TFF1: variants seen among roughly 807,000 people sequenced by gnomAD.
TFF1 encodes the protein trefoil factor 1.
TFF1 carries 8 observed loss-of-function variants against 7.7 expected under a neutral mutation model. That is an observed-to-expected ratio of 1.04 (90% CI 0.61 to 1.87). The LOEUF is 1.87. Ranked by LOEUF, TFF1 falls within the 40% of genes most tolerant of loss-of-function variation. The pLI is 0.00. For missense variants in TFF1, 120 were observed against 113.4 expected (o/e 1.06, Z -0.26); for synonymous variants, 47 against 44.8 (o/e 1.05, Z -0.19).
rs1338313795 is a variant in TFF1, at chr21:42,363,357, C to A, written c.136G>T (p.Val46Phe). The A allele has an allele frequency of 1.2e-6, 2 of 1,614,054 alleles. No individual in the cohort carries two copies. The highest frequency in any genetic ancestry group is 2.7e-5 in the African/African-American group (2 of 74,924). The change falls in exon 2 of 3, where the codon GTC (valine) becomes TTC (phenylalanine). Residue 46 changes from valine to phenylalanine, a missense_variant. Physicochemically the swap from Val to Phe is conservative, Grantham distance 50. Coordinates refer to ENST00000291527, the MANE Select transcript of TFF1 (RefSeq NM_003225.3). ...RERQNCGFPGVTPSQCANKGC... is the reference protein window; with the variant it reads ...RERQNCGFPGFTPSQCANKGC... ...TTATTTGCACACTGGGAGGGCGTGA[C>A]ACCAGGAAAACCACAATTCTGTCTT...
chr21:42,365,426 G>T (rs1489512529), intron 1 of TFF1, among the ~76,000 whole-genome samples: 1 of 152,134 alleles, frequency 6.6e-6, no homozygotes, highest in African/African-American at 2.4e-5. Context: ...TCCCACTGCA[G>T]CCCAATGCTG....
At chr21:42,363,430 CA>C in intron 1 of TFF1, 23 bp from the exon 2 acceptor site, 1 of 1,606,606 alleles carries the variant, frequency 6.2e-7, no homozygotes, top group Non-Finnish European at 8.5e-7. Context: ...AGGTAAGAAG[CA>C]AAGTAAGTTG....
chr21:42,365,864 A>G (rs943818883), intron 1 of TFF1, among the ~76,000 whole-genome samples: 6 of 152,110 alleles, frequency 3.9e-5, no homozygotes, highest in Non-Finnish European at 8.8e-5. Flanking sequence ...CCAGCCACGC[A>G]CTCATGAGAG....
Position 42,363,315 on chromosome 21 carries a change from C to G in TFF1, c.178G>C (p.Asp60His). Reference sequence around the variant, plus strand: ...CACCAGGGGACCCCACGAACGGTGTCGTCGAAACAGCAGCCCTTATTTGCA... The same window carrying G: ...CACCAGGGGACCCCACGAACGGTGTGGTCGAAACAGCAGCCCTTATTTGCA... ...QCANKGCCFD[D>H]TVRGVPWCFY... Residue 60 changes from aspartate (D) to histidine (H), a missense_variant, in exon 2 of 3, where the codon GAC becomes CAC. Coordinates refer to ENST00000291527, the MANE Select transcript of TFF1 (RefSeq NM_003225.3). 1 of 1,614,190 alleles carries G rather than the reference C, an allele frequency of 6.2e-7. No homozygotes were observed. The highest frequency in any genetic ancestry group is 8.5e-7 in the Non-Finnish European group (1 of 1,180,036).
intron 1 of TFF1, among the ~76,000 whole-genome samples, chr21:42,365,757 A>G (rs1391650425): frequency 2.0e-5 from 3 of 152,294 alleles, no homozygotes; most frequent in Non-Finnish European, 4.4e-5. Context: ...GTTGAGATGC[A>G]AACACTTCCC....
At position 42,364,979 on chromosome 21, in the gene TFF1, C is replaced by CG. The variant is rs553337656; in HGVS notation, c.85+1431dup. Among the ~76,000 whole-genome samples the CG allele has an allele frequency of 3.2e-4, 48 of 151,992 alleles. 1 individual carries two copies. The East Asian group carries it at 4.7e-3, about 15-fold the overall frequency. ...GAGGGAGGATCATCATCCTGGGGGT[C>CG]GGGGGGGTTTCCTCCTCAGGGAGGA... On this transcript the variant is annotated intron_variant, in intron 1 of 2. Coordinates refer to ENST00000291527, the MANE Select transcript of TFF1 (RefSeq NM_003225.3).
In TFF1 at chr21:42,362,505, T is replaced by C. The variant is rs763736841; in HGVS notation, c.239-10A>G. On this transcript the variant is annotated splice_polypyrimidine_tract_variant and intron_variant, in intron 2 of 2. Coordinates refer to ENST00000291527, the MANE Select transcript of TFF1 (RefSeq NM_003225.3). ...TAAAATTCACACTCCTCTACAGGGGTGAGGGGGAGGGAGAAAGAGATGCTT... is the reference window on the plus strand; with the variant it reads ...TAAAATTCACACTCCTCTACAGGGGCGAGGGGGAGGGAGAAAGAGATGCTT... 2 of 1,577,702 alleles carry C rather than the reference T, an allele frequency of 1.3e-6. No individual in the cohort carries two copies. The highest frequency in any genetic ancestry group is 1.4e-5 in the African/African-American group (1 of 73,472).
chr21:42,364,360 T>C (rs2052262556), intron 1 of TFF1, among the ~76,000 whole-genome samples: 1 of 152,020 alleles, frequency 6.6e-6, no homozygotes, highest in Non-Finnish European at 1.5e-5. Context: ...TGGAAACCCA[T>C]TGCAGGTAAG....
At chr21:42,363,118 C>T in intron 2 of TFF1, 137 bp downstream of exon 2, 1 of 1,111,784 alleles carries the variant, frequency 9.0e-7, no homozygotes, top group Non-Finnish European at 1.3e-6. Flanking sequence ...ACTCAGGCTA[C>T]CCCATTGCAC....
Position 42,363,409 on chromosome 21 carries a change from T to C in TFF1, c.86-2A>G, listed in dbSNP as rs1439596078. On this transcript the variant is annotated splice_acceptor_variant, in intron 1 of 2. Transcript: ENST00000291527. LOFTEE classifies it high-confidence loss of function. ...CACGGGGGGCCACTGTACACGTCTC[T>C]GAAAGTGCACAGGTAAGAAGCAAAG... 1.2e-6 allele frequency: 2 copies of C among 1,613,480 alleles called. No individual in the cohort carries two copies. Among genetic ancestry groups the C allele is most frequent in the East Asian group, 4.5e-5 (2 of 44,882 alleles).
chr21:42,362,712 G>A (rs1421102177), intron 2 of TFF1, among the ~76,000 whole-genome samples: 4 of 151,918 alleles, frequency 2.6e-5, no homozygotes, highest in Non-Finnish European at 4.4e-5. Context: ...GTTCAAGACC[G>A]GTCTGGCCAA....
chr21:42,363,185 C>T, intron 2 of TFF1, 70 bp downstream of exon 2: 1 of 1,599,538 alleles, frequency 6.3e-7, no homozygotes, highest in Non-Finnish European at 8.6e-7. Context: ...TGATCAGAGC[C>T]TCTGTAGTCT....
Position 42,363,265 on chromosome 21 carries a change from G to T in TFF1, c.228C>A (p.Val76=). Residue 76 remains valine (V), a synonymous_variant, in exon 2 of 3, where the codon GTC becomes GTA. Coordinates refer to ENST00000291527, the MANE Select transcript of TFF1 (RefSeq NM_003225.3). Reference sequence around the variant, plus strand: ...ATAAAAAGGCCATACCTTCTGGAGGGACGTCGATGGTATTAGGATAGAAGC... The same window carrying T: ...ATAAAAAGGCCATACCTTCTGGAGGTACGTCGATGGTATTAGGATAGAAGC... ...PWCFYPNTID[V]PPEEECEF 1 of 1,614,192 alleles carries T rather than the reference G, an allele frequency of 6.2e-7. No individual in the cohort carries two copies. Among genetic ancestry groups the T allele is most frequent in the Non-Finnish European group, 8.5e-7 (1 of 1,180,044 alleles).
intron 1 of TFF1, 31 bp downstream of exon 1, chr21:42,366,380 G>T (rs1448407548): frequency 3.2e-6 from 5 of 1,547,494 alleles, no homozygotes. Flanking sequence ...GCTGGCTGTG[G>T]CCCCACAGAG....
rs961505229 is a variant in TFF1 at position 42,363,392 on chromosome 21, G to A, written c.101C>T (p.Ala34Val). Reference protein sequence around the residue: ...AEAQTETCTVAPRERQNCGFP... With the variant: ...AEAQTETCTVVPRERQNCGFP... ...ACCACAATTCTGTCTTTCACGGGGG[G>A]CCACTGTACACGTCTCTGAAAGTGC... is the stretch of plus-strand genomic sequence containing the variant. The change falls in exon 2 of 3, where the codon GCC becomes GTC. Residue 34 changes from alanine to valine, a missense_variant. Ala to Val is a moderately conservative substitution (Grantham distance 64). Coordinates refer to ENST00000291527, the MANE Select transcript of TFF1 (RefSeq NM_003225.3). The A allele has an allele frequency of 6.2e-6, 10 of 1,613,906 alleles. No homozygotes were observed. The Admixed American group carries it at 8.3e-5, about 13-fold the overall frequency.
chr21:42,362,903 A>G (rs1471537987), intron 2 of TFF1, among the ~76,000 whole-genome samples: 1 of 134,136 alleles, frequency 7.5e-6, no homozygotes, highest in Non-Finnish European at 1.5e-5. Flanking sequence ...TCCATTTCAA[A>G]AAAAAAAAAA....
Position 42,366,464 on chromosome 21 carries a change from G to A in TFF1, c.32C>T (p.Ala11Val), listed in dbSNP as rs751094617. ...GGCCAGCATGGACACCAGGACCAGG[G>A]CGCAGATCACCTTGTTCTCCATGGT... MATMENKVICALVLVSMLALG... is the reference protein window; with the variant it reads MATMENKVICVLVLVSMLALG... Residue 11 changes from alanine (A) to valine (V), a missense_variant, in exon 1 of 3, where the codon GCC becomes GTC. Transcript: ENST00000291527. The A allele has an allele frequency of 6.2e-7, 1 of 1,612,960 alleles. No individual in the cohort carries two copies. Among genetic ancestry groups the A allele is most frequent in the East Asian group, 2.2e-5 (1 of 44,852 alleles).
rs1311911517 is a variant in TFF1 at position 42,366,376 on chromosome 21, T to A, written c.85+35A>T. ...CCTGGCGGAGGCTGCCAGAGCTGGC[T>A]GTGGCCCCACAGAGCAGGAAGAAGC... On this transcript the variant is annotated intron_variant, in intron 1 of 2. Transcript: ENST00000291527. 7 of 1,538,902 alleles carry A rather than the reference T, an allele frequency of 4.5e-6. No homozygotes were observed. The African/African-American group carries it at 6.8e-5, about 15-fold the overall frequency.
chr21:42,362,847 CAAG>C (rs2052248885), intron 2 of TFF1, among the ~76,000 whole-genome samples: 1 of 146,698 alleles, frequency 6.8e-6, no homozygotes, highest in African/African-American at 2.5e-5. Context: ...TGCAGTGAGC[CAAG>C]ATCGCACCAT....
Sources: gnomAD v4.1 joint callset for allele counts (sites outside exome capture counted in the v4.1 genomes callset) on GRCh38, gnomAD v4.1.1 for gene constraint, MANE v1.5 for transcripts, NCBI Gene and HGNC (gene_info 2026-07-23, HGNC 2026-07-21) for gene names.